The following RARB variants were observed in gnomAD, a reference collection of about 807,000 sequenced individuals.
RARB encodes retinoic acid receptor beta.
RARB carries 17 observed loss-of-function variants against 51.9 expected under a neutral mutation model. That is an observed-to-expected ratio of 0.33 (90% CI 0.22 to 0.49). RARB has a LOEUF of 0.49. Among genes scored for constraint, RARB ranks in the 20% least tolerant of loss-of-function variants. RARB has a pLI of 0.99. For missense variants in RARB, 369 were observed against 550.8 expected, an observed-to-expected ratio of 0.67 and a Z score of 3.30; for synonymous variants, 215 against 195.4, an observed-to-expected ratio of 1.10 and a Z score of -0.84.
intron 5 of RARB, among the ~76,000 whole-genome samples, chr3:25,291,261 G>A (rs1186572442): frequency 6.6e-6 from 1 of 152,132 alleles, no homozygotes; most frequent in Non-Finnish European, 1.5e-5. Context: ...TTGAAGATCA[G>A]TTCGAGTTCA....
At chr3:25,543,998 T>A (rs1026325777) in intron 3 of RARB, among the ~76,000 whole-genome samples, 1 of 152,214 alleles carries the variant, frequency 6.6e-6, no homozygotes, top group African/African-American at 2.4e-5. Flanking sequence ...GCAGCATTAT[T>A]TATGCTAGCA....
chr3:24,875,921 T>A (rs1257580921), intron 2 of RARB, among the ~76,000 whole-genome samples: 1 of 152,138 alleles, frequency 6.6e-6, no homozygotes, highest in African/African-American at 2.4e-5. Flanking sequence ...TTCAAGGTCT[T>A]CACACTTTTG....
At chr3:25,437,558 T>TA (rs1708487293) in intron 1 of RARB, among the ~76,000 whole-genome samples, 1 of 152,154 alleles carries the variant, frequency 6.6e-6, no homozygotes, top group Non-Finnish European at 1.5e-5. Context: ...CGTTGTCACA[T>TA]AACCCCCTTA....
At chr3:25,128,182 G>C (rs1699891515) in intron 3 of RARB, among the ~76,000 whole-genome samples, 1 of 152,062 alleles carries the variant, frequency 6.6e-6, no homozygotes, top group Admixed American at 6.6e-5. Context: ...ATCACTGCAA[G>C]TAACTGGGTA....
intron 2 of RARB, among the ~76,000 whole-genome samples, chr3:24,950,338 A>C (rs1194734821): frequency 6.6e-6 from 1 of 152,224 alleles, no homozygotes; most frequent in Non-Finnish European, 1.5e-5. Context: ...TGTTCTTCAC[A>C]TAATTATGTA....
intron 3 of RARB, among the ~76,000 whole-genome samples, chr3:25,506,252 C>CAAAAA (rs35856686): frequency 6.9e-4 from 40 of 57,738 alleles, no homozygotes; most frequent in Non-Finnish European, 9.8e-4. Context: ...GACTCCATCT[C>CAAAAA]AAAAAAAAAA....
intron 2 of RARB, among the ~76,000 whole-genome samples, chr3:25,049,569 C>T (rs763262001): frequency 6.6e-6 from 1 of 152,186 alleles, no homozygotes; most frequent in Non-Finnish European, 1.5e-5. Context: ...GAATATTTTA[C>T]CTCTGTAGAT....
chr3:25,580,513 A>G (rs774058066), intron 4 of RARB, 33 bp from the exon 5 acceptor site: 1 of 1,519,872 alleles, frequency 6.6e-7, no homozygotes, highest in Admixed American at 1.7e-5. Context: ...CTTCCCGGAA[A>G]CTGTATCTGA....
chr3:25,570,016 ACACACT>A, intron 4 of RARB, 98 bp downstream of exon 4: 1 of 1,082,790 alleles, frequency 9.2e-7, no homozygotes, highest in Non-Finnish European at 1.3e-6. Flanking sequence ...ACACACACAC[ACACACT>A]TTGCACTGGG....
At chr3:25,102,281 C>A (rs558882707) in intron 3 of RARB, among the ~76,000 whole-genome samples, 1 of 152,244 alleles carries the variant, frequency 6.6e-6, no homozygotes, top group South Asian at 2.1e-4. Flanking sequence ...TGGCTCACAC[C>A]TGTAATCCTA....
At chr3:25,200,403 T>C (rs1037298492) in intron 5 of RARB, among the ~76,000 whole-genome samples, 7 of 152,148 alleles carry the variant, frequency 4.6e-5, no homozygotes, top group Admixed American at 2.6e-4. Context: ...GCCTGTTCAC[T>C]CTGATGGTAG....
chr3:25,289,811 T>TA (rs1703743769), intron 5 of RARB, among the ~76,000 whole-genome samples: 1 of 152,200 alleles, frequency 6.6e-6, no homozygotes. Flanking sequence ...AAGTCATAGA[T>TA]AATTTTTGGA....
chr3:25,171,440 A>ATTTTTT (rs1157902711), intron 4 of RARB, among the ~76,000 whole-genome samples: 7 of 32,188 alleles, frequency 2.2e-4, no homozygotes, highest in Admixed American at 4.3e-4. Flanking sequence ...CGACACATTG[A>ATTTTTT]TTTTTTTTTT....
chr3:25,071,564 C>T (rs1698766185), intron 3 of RARB, among the ~76,000 whole-genome samples: 1 of 152,158 alleles, frequency 6.6e-6, no homozygotes, highest in Non-Finnish European at 1.5e-5. Flanking sequence ...GCTTTGGAAA[C>T]TTAGTTCTTT....
At chr3:25,254,416 C>G (rs1174637359) in intron 5 of RARB, among the ~76,000 whole-genome samples, 1 of 152,134 alleles carries the variant, frequency 6.6e-6, no homozygotes, top group Non-Finnish European at 1.5e-5. Flanking sequence ...CTTTAGTCAC[C>G]TAGAGCCTCA....
intron 5 of RARB, among the ~76,000 whole-genome samples, chr3:25,265,390 C>A (rs371323823): frequency 6.6e-6 from 1 of 152,150 alleles, no homozygotes; most frequent in South Asian, 2.1e-4. Flanking sequence ...CAATTGACAT[C>A]TCAGCAAGTT....
At chr3:24,991,743 C>G (rs1267408002) in intron 2 of RARB, among the ~76,000 whole-genome samples, 1 of 151,336 alleles carries the variant, frequency 6.6e-6, no homozygotes, top group Non-Finnish European at 1.5e-5. Context: ...GCTGCATCTG[C>G]TGAGCCATAT....
intron 1 of RARB, among the ~76,000 whole-genome samples, chr3:25,445,984 T>C (rs930246277): frequency 6.6e-6 from 1 of 152,262 alleles, no homozygotes; most frequent in Non-Finnish European, 1.5e-5. Context: ...AACTCCCATA[T>C]TCTCCCTGGC....
chr3:24,934,404 G>A (rs1322291745), intron 2 of RARB, among the ~76,000 whole-genome samples: 1 of 152,028 alleles, frequency 6.6e-6, no homozygotes, highest in Non-Finnish European at 1.5e-5. Context: ...CTGTTCAGAT[G>A]ACTTCGAAGA....
Sources: allele counts gnomAD v4.1 joint callset (sites outside exome capture counted in the v4.1 genomes callset), GRCh38; gene constraint gnomAD v4.1.1; transcripts MANE v1.5; gene names NCBI Gene and HGNC (gene_info 2026-07-23, HGNC 2026-07-21).